The following SOX6 variants were observed in gnomAD, a reference collection of about 807,000 sequenced individuals.
SOX6 encodes the protein SRY-box transcription factor 6, also known as transcription factor SOX-6.
SOX6 carries 11 observed loss-of-function variants against 97.8 expected under a neutral mutation model. The ratio of observed to expected loss-of-function variants is 0.11; its 90% CI spans 0.07 to 0.19. The LOEUF (loss-of-function observed/expected upper bound fraction) is 0.19. Ranked by LOEUF, SOX6 falls within the 10% of genes least tolerant of loss-of-function variation. SOX6 has a pLI of 1.00. For synonymous variants in SOX6, 360 were observed against 371.4 expected (o/e 0.97, Z 0.35); for missense variants, 810 against 1,039.5 (o/e 0.78, Z 3.04).
chr11:16,338,650 G>C (rs1369385369), intron 2 of SOX6, among the ~76,000 whole-genome samples: 1 of 151,922 alleles, frequency 6.6e-6, no homozygotes. Flanking sequence ...TTGGCTTCTA[G>C]TCATTCGGAA....
chr11:16,368,912 G>C (rs991546210), intron 1 of SOX6, among the ~76,000 whole-genome samples: 4 of 152,058 alleles, frequency 2.6e-5, no homozygotes, highest in African/African-American at 4.8e-5. Context: ...ATTCAACAAT[G>C]AGCAAAAATT....
intron 4 of SOX6, among the ~76,000 whole-genome samples, chr11:16,521,880 T>C (rs900786196): frequency 2.0e-5 from 3 of 151,740 alleles, no homozygotes; most frequent in Non-Finnish European, 1.5e-5. Flanking sequence ...AGGGTATCAG[T>C]GATGGAAGAT....
chr11:16,166,176 A>G (rs1237587767), intron 6 of SOX6, among the ~76,000 whole-genome samples: 1 of 152,112 alleles, frequency 6.6e-6, no homozygotes, highest in Admixed American at 6.6e-5. Context: ...TTTTTAATGA[A>G]CCAACTATGG....
At chr11:16,134,545 T>C (rs927825307) in intron 6 of SOX6, among the ~76,000 whole-genome samples, 3 of 152,260 alleles carry the variant, frequency 2.0e-5, no homozygotes, top group Admixed American at 6.5e-5. Flanking sequence ...CCTACCAATG[T>C]CATTTTTCCA....
chr11:16,333,133 C>T (rs1255527360), intron 2 of SOX6, among the ~76,000 whole-genome samples: 1 of 151,998 alleles, frequency 6.6e-6, no homozygotes, highest in Non-Finnish European at 1.5e-5. Flanking sequence ...GGAAAGCAAC[C>T]CTTTCCAAAT....
chr11:16,492,138 TTTTA>T (rs1339540362), intron 4 of SOX6, among the ~76,000 whole-genome samples: 1 of 152,208 alleles, frequency 6.6e-6, no homozygotes, highest in Non-Finnish European at 1.5e-5. Flanking sequence ...AGTAGATAAA[TTTTA>T]TTTGATTACA....
chr11:16,720,860 C>A (rs1032577578), intron 2 of SOX6, among the ~76,000 whole-genome samples: 3 of 152,036 alleles, frequency 2.0e-5, no homozygotes, highest in Admixed American at 2.0e-4. Context: ...AAAATATGAT[C>A]AACTTTGAGT....
At chr11:16,079,320 G>A (rs1590182189) in intron 9 of SOX6, among the ~76,000 whole-genome samples, 1 of 152,158 alleles carries the variant, frequency 6.6e-6, no homozygotes, top group East Asian at 1.9e-4. Flanking sequence ...ATATATACTT[G>A]ATAAAATAAA....
rs1853220396 is a variant in SOX6, at chr11:15,968,988, G to T, written c.*3821C>A. On this transcript the variant is annotated 3_prime_UTR_variant, in exon 16 of 16. Transcript: ENST00000683767. ...GTTGTCAGCCTAGCGGCTCGTATCC[G>T]CAAAGCGACCTTTTTTTTCTCTCTC... 1.3e-5 allele frequency: 2 copies of T among 151,770 alleles called. No homozygotes were observed. The highest frequency in any genetic ancestry group is 2.1e-4 in the South Asian group (1 of 4,800). 9.4% of individuals were successfully genotyped at this position (151,770 alleles called of 1,614,324 possible). A position where few individuals can be genotyped will look rare whatever the true frequency, so the allele number is the denominator to read the frequency against.
intron 4 of SOX6, chr11:16,483,947 G>T: frequency 1.2e-6 from 1 of 860,194 alleles, no homozygotes; most frequent in South Asian, 1.3e-5. Context: ...ATCAGGACCT[G>T]GGCTGTAGTT....
chr11:16,620,924 C>T (rs1848537050), intron 3 of SOX6, among the ~76,000 whole-genome samples: 1 of 152,094 alleles, frequency 6.6e-6, no homozygotes, highest in Non-Finnish European at 1.5e-5. Context: ...ATTTTATTTC[C>T]TACTGTTTCA....
At chr11:16,723,210 C>G (rs1388779508) in intron 2 of SOX6, among the ~76,000 whole-genome samples, 2 of 152,160 alleles carry the variant, frequency 1.3e-5, no homozygotes, top group Non-Finnish European at 2.9e-5. Flanking sequence ...TTATCCTTAG[C>G]AAACTAACGC....
intron 12 of SOX6, among the ~76,000 whole-genome samples, chr11:16,028,576 T>C (rs918524663): frequency 6.6e-6 from 1 of 152,226 alleles, no homozygotes; most frequent in Non-Finnish European, 1.5e-5. Context: ...TTTCCTCTTG[T>C]TCCCACATCA....
chr11:16,137,160 G>A (rs1849989416), intron 6 of SOX6, among the ~76,000 whole-genome samples: 1 of 152,210 alleles, frequency 6.6e-6, no homozygotes, highest in African/African-American at 2.4e-5. Context: ...TGGGGGCCGG[G>A]AGCAGTGGCT....
chr11:16,217,443 T>C (rs1444862819), intron 4 of SOX6, among the ~76,000 whole-genome samples: 2 of 152,132 alleles, frequency 1.3e-5, no homozygotes, highest in African/African-American at 4.8e-5. Context: ...TACCTATTTA[T>C]AATATGGTCA....
At chr11:16,356,549 G>A (rs1857081211), upstream of SOX6, among the ~76,000 whole-genome samples, 1 of 152,070 alleles carries the variant, frequency 6.6e-6, no homozygotes, top group South Asian at 2.1e-4. Flanking sequence ...TAAGTTATGA[G>A]CCCTTTGTGA....
intron 1 of SOX6, among the ~76,000 whole-genome samples, chr11:16,463,579 G>A (rs1373809843): frequency 6.6e-6 from 1 of 152,214 alleles, no homozygotes; most frequent in African/African-American, 2.4e-5. Context: ...AGCACATACA[G>A]GTTCTTAACA....
chr11:16,659,347 T>C (rs1487826436), intron 3 of SOX6, among the ~76,000 whole-genome samples: 1 of 152,234 alleles, frequency 6.6e-6, no homozygotes, highest in Non-Finnish European at 1.5e-5. Flanking sequence ...GATTAGTTGA[T>C]TGTATTTGTG....
At chr11:16,168,441 C>G (rs568894441) in intron 6 of SOX6, among the ~76,000 whole-genome samples, 2 of 152,206 alleles carry the variant, frequency 1.3e-5, no homozygotes, top group Admixed American at 1.3e-4. Context: ...TTTTGTGACT[C>G]TCATTTCTGA....
Sources: gnomAD v4.1 joint callset for allele counts (sites outside exome capture counted in the v4.1 genomes callset) on GRCh38, gnomAD v4.1.1 for gene constraint, MANE v1.5 for transcripts, NCBI Gene and HGNC (gene_info 2026-07-23, HGNC 2026-07-21) for gene names.